GPR141: variants seen among roughly 807,000 people sequenced by gnomAD.
GPR141 encodes G protein-coupled receptor 141, also known as probable G protein-coupled receptor 141.
In GPR141, 6 loss-of-function variants were observed where a neutral mutation model predicts 6.8. The observed-to-expected ratio is 0.88, with a 90% confidence interval of 0.48 to 1.74. GPR141 has a LOEUF of 1.74. Among genes scored for constraint, GPR141 ranks in the 40% most tolerant of loss-of-function variants. The probability of loss-of-function intolerance (pLI) is 0.01; values close to 1 mark genes in which losing one functional copy is unlikely to be tolerated. For synonymous variants in GPR141, 140 were observed against 142.3 expected, an observed-to-expected ratio of 0.98 and a Z score of 0.11; for missense variants, 372 against 372.9, an observed-to-expected ratio of 1.00 and a Z score of 0.02.
At chr7:37,711,212 C>T (rs1355140030) in intron 2 of GPR141, among the ~76,000 whole-genome samples, 2 of 152,312 alleles carry the variant, frequency 1.3e-5, no homozygotes, top group Non-Finnish European at 1.5e-5. Flanking sequence ...TGGAGGCCTT[C>T]TTAAAACCCA....
intron 2 of GPR141, among the ~76,000 whole-genome samples, chr7:37,725,465 C>G (rs1441190932): frequency 6.6e-6 from 1 of 152,154 alleles, no homozygotes; most frequent in African/African-American, 2.4e-5. Flanking sequence ...GTCCTCTAAC[C>G]AGGGAGTTTC....
intron 2 of GPR141, among the ~76,000 whole-genome samples, chr7:37,718,589 G>T (rs1811164830): frequency 6.6e-6 from 1 of 152,090 alleles, no homozygotes. Flanking sequence ...AGAAAAGAAG[G>T]TTTAGAGAAA....
At chr7:37,703,694 G>C (rs1810397834) in intron 2 of GPR141, among the ~76,000 whole-genome samples, 1 of 152,152 alleles carries the variant, frequency 6.6e-6, no homozygotes, top group Non-Finnish European at 1.5e-5. Context: ...GGGAGCAATA[G>C]TATCTACTTC....
chr7:37,706,055 G>T (rs1161071959), intron 2 of GPR141, among the ~76,000 whole-genome samples: 1 of 152,146 alleles, frequency 6.6e-6, no homozygotes, highest in Non-Finnish European at 1.5e-5. Flanking sequence ...CTCCAATGAG[G>T]GTGGTTTAGA....
chr7:37,686,150 C>T (rs2131720070), intron 2 of GPR141, among the ~76,000 whole-genome samples: 1 of 149,394 alleles, frequency 6.7e-6, no homozygotes, highest in East Asian at 2.0e-4. Flanking sequence ...AGGTGTGAGC[C>T]ACCCTGCCTG....
intron 2 of GPR141, 119 bp from the exon 3 acceptor site, chr7:37,740,261 A>G (rs887284317): frequency 2.4e-5 from 16 of 678,960 alleles, no homozygotes; most frequent in Non-Finnish European, 3.9e-5. Context: ...TTCTTAAAGC[A>G]TGTAAAGTTT....
chr7:37,690,101 A>T (rs1279845856), intron 2 of GPR141, among the ~76,000 whole-genome samples: 1 of 151,966 alleles, frequency 6.6e-6, no homozygotes, highest in Non-Finnish European at 1.5e-5. Flanking sequence ...TTCTATTTTC[A>T]TTTATTTCAA....
At chr7:37,690,051 A>G (rs1809687289) in intron 2 of GPR141, among the ~76,000 whole-genome samples, 1 of 151,998 alleles carries the variant, frequency 6.6e-6, no homozygotes, top group African/African-American at 2.4e-5. Flanking sequence ...CTCTCTTAAT[A>G]CTGCTTTTGC....
chr7:37,740,961 A>G lies in GPR141; in HGVS notation c.568A>G (p.Ile190Val). ...CAACTATATGATAGTCATTTTTGTC[A>G]TAGCCGTTGCTGTGATTCTGTTGGT... ...IINYMIVIFV[I>V]AVAVILLVFQ... Residue 190 changes from isoleucine (I) to valine (V), a missense_variant, in exon 3 of 3, where the codon ATA (isoleucine) becomes GTA (valine). Physicochemically the swap from Ile to Val is conservative, Grantham distance 29. Transcript: ENST00000334425. 1 of 1,614,022 alleles carries G rather than the reference A, an allele frequency of 6.2e-7. No homozygotes were observed. The highest frequency in any genetic ancestry group is 8.5e-7 in the Non-Finnish European group (1 of 1,179,918).
chr7:37,723,892 T>A (rs1481482164), intron 2 of GPR141, among the ~76,000 whole-genome samples: 1 of 152,168 alleles, frequency 6.6e-6, no homozygotes, highest in Non-Finnish European at 1.5e-5. Flanking sequence ...AAATTTCTGG[T>A]AAGGAGATGG....
chr7:37,685,024 G>C (rs1243273283), intron 1 of GPR141, among the ~76,000 whole-genome samples: 1 of 152,150 alleles, frequency 6.6e-6, no homozygotes, highest in Non-Finnish European at 1.5e-5. Flanking sequence ...AATATTTTAG[G>C]CTTTGCAAGC....
intron 2 of GPR141, among the ~76,000 whole-genome samples, chr7:37,724,130 T>C (rs1811497632): frequency 6.6e-6 from 1 of 152,070 alleles, no homozygotes; most frequent in Non-Finnish European, 1.5e-5. Context: ...TAACCAGAAC[T>C]TGCATCCTCA....
At chr7:37,706,908 C>A (rs1317680692) in intron 2 of GPR141, among the ~76,000 whole-genome samples, 1 of 152,162 alleles carries the variant, frequency 6.6e-6, no homozygotes, top group Non-Finnish European at 1.5e-5. Flanking sequence ...ACTGCCCCTT[C>A]TTGAGATGGT....
intron 2 of GPR141, among the ~76,000 whole-genome samples, chr7:37,715,702 A>G (rs1243637341): frequency 6.6e-6 from 1 of 152,156 alleles, no homozygotes; most frequent in East Asian, 1.9e-4. Context: ...GTTTCCTTTC[A>G]TATTAAAACA....
At chr7:37,727,334 T>G (rs770722070) in intron 2 of GPR141, among the ~76,000 whole-genome samples, 66 of 152,186 alleles carry the variant, frequency 4.3e-4, no homozygotes, top group Non-Finnish European at 8.1e-4. Context: ...TTTTTTAGCT[T>G]TTCTTTTAAA....
At chr7:37,692,487 T>C (rs879283840) in intron 2 of GPR141, among the ~76,000 whole-genome samples, 9 of 152,310 alleles carry the variant, frequency 5.9e-5, no homozygotes, top group Non-Finnish European at 1.3e-4. Context: ...AGTAGAATGA[T>C]TTATAATCCT....
chr7:37,709,074 A>G (rs1333352565), intron 2 of GPR141, among the ~76,000 whole-genome samples: 1 of 152,218 alleles, frequency 6.6e-6, no homozygotes, highest in East Asian at 1.9e-4. Context: ...TCATTAGGCA[A>G]CTAAGAAATA....
intron 2 of GPR141, chr7:37,713,546 C>G (rs539343966): frequency 2.0e-5 from 3 of 152,300 alleles, no homozygotes; most frequent in Non-Finnish European, 1.5e-5. Context: ...AATTATTTTG[C>G]TTCTCTGTGT....
At chr7:37,708,310 C>A (rs1269887665) in intron 2 of GPR141, among the ~76,000 whole-genome samples, 232 of 59,784 alleles carry the variant, frequency 3.9e-3, no homozygotes, top group Middle Eastern at 0.018. Flanking sequence ...AAATTGCTGG[C>A]AAAAAAAAAA....
Sources: gnomAD v4.1 joint callset for allele counts (sites outside exome capture counted in the v4.1 genomes callset) on GRCh38, gnomAD v4.1.1 for gene constraint, MANE v1.5 for transcripts, NCBI Gene and HGNC (gene_info 2026-07-23, HGNC 2026-07-21) for gene names.